Variants in SLC7A10 observed in about 807,000 individuals in gnomAD.
SLC7A10 encodes the protein asc-type amino acid transporter 1.
In SLC7A10, 30 loss-of-function variants were observed where a neutral mutation model predicts 52.7. The observed-to-expected ratio is 0.57, with a 90% CI of 0.43 to 0.77. The LOEUF is 0.77. Among genes scored for constraint, SLC7A10 ranks in the 30% least tolerant of loss-of-function variants. SLC7A10 has a pLI of 0.00. For missense variants in SLC7A10, 581 were observed against 698.5 expected (o/e 0.83, Z 1.90); for synonymous variants, 318 against 314.9 (o/e 1.01, Z -0.10).
chr19:33,211,009 C>T lies in SLC7A10; in HGVS notation c.1017-111G>A. 4 of 1,107,454 alleles carry T rather than the reference C, an allele frequency of 3.6e-6. No homozygotes were observed. The South Asian group carries it at 5.2e-5, about 14-fold the overall frequency. The allele number at this position is 1,107,454 out of a possible 1,614,324, so 68.6% of individuals were successfully genotyped here. Reference sequence around the variant, plus strand: ...CCTCCTGCTCCGGGCCCAGCAGCCCCACTGGACAGTTCTCCCCCTCATCCA... The same window carrying T: ...CCTCCTGCTCCGGGCCCAGCAGCCCTACTGGACAGTTCTCCCCCTCATCCA... On this transcript the variant is annotated intron_variant, in intron 7 of 10. Coordinates refer to ENST00000253188, the MANE Select transcript of SLC7A10 (RefSeq NM_019849.3).
intron 1 of SLC7A10, among the ~76,000 whole-genome samples, chr19:33,224,385 G>C (rs548158705): frequency 6.6e-6 from 1 of 152,264 alleles, no homozygotes; most frequent in South Asian, 2.1e-4. Flanking sequence ...GCATTCTAAG[G>C]GGAGGGGGTG....
chr19:33,217,996 C>T (rs3786927), intron 1 of SLC7A10: 45,182 of 152,064 alleles, frequency 0.3, 6,833 homozygotes, highest in African/African-American at 0.33. Context: ...TTCTAAAGAG[C>T]CTTTGAGTTC....
Position 33,210,938 on chromosome 19 carries a change from G to A in SLC7A10, c.1017-40C>T, listed in dbSNP as rs1374168981. ...AGATATGGGCACTGGCCACATCCTG[G>A]GTCTCAGCTTTGGACCTGATGTCCC... On this transcript the variant is annotated intron_variant, in intron 7 of 10. Transcript: ENST00000253188. This position sits in a 1 kb window ranked among gnomAD's most constrained non-coding sequence, Gnocchi z 5.6. 2 of 1,589,926 alleles carry A rather than the reference G, an allele frequency of 1.3e-6. No homozygotes were observed. Among genetic ancestry groups the A allele is most frequent in the South Asian group, 2.2e-5 (2 of 90,448 alleles).
chr19:33,222,268 G>A (rs768667655), intron 1 of SLC7A10, among the ~76,000 whole-genome samples: 9 of 151,760 alleles, frequency 5.9e-5, no homozygotes, highest in African/African-American at 2.2e-4. Context: ...GTGTGGTGGC[G>A]GGCACCTGTG....
At chr19:33,209,090 C>T in intron 10 of SLC7A10, 69 bp from the exon 11 acceptor site, 3 of 1,605,162 alleles carry the variant, frequency 1.9e-6, no homozygotes, top group Non-Finnish European at 2.5e-6. Context: ...CTCCGGACAC[C>T]TCCCCTTGGG....
chr19:33,211,392 G>A (rs1974549765), intron 6 of SLC7A10, 22 bp downstream of exon 6: 2 of 1,613,634 alleles, frequency 1.2e-6, no homozygotes, highest in African/African-American at 1.3e-5. Flanking sequence ...AGGAGCCAGG[G>A]ACCGAGCAGG....
Position 33,210,654 on chromosome 19 carries a change from C to T in SLC7A10, c.1114-38G>A. ...CTGGGGCTGACGGCTGGCCCCTAGC[C>T]TGCCTCCTGACGCCCCTGCAGGATG... On this transcript the variant is annotated intron_variant, in intron 8 of 10. Transcript: ENST00000253188. The surrounding 1 kb of genome is among the most constrained non-coding windows in gnomAD (Gnocchi z 5.6). 6.2e-7 allele frequency: 1 copy of T among 1,610,244 alleles called. No homozygotes were observed. The highest frequency in any genetic ancestry group is 8.5e-7 in the Non-Finnish European group (1 of 1,179,886).
At chr19:33,219,568 G>A (rs992870352) in intron 1 of SLC7A10, among the ~76,000 whole-genome samples, 6 of 152,234 alleles carry the variant, frequency 3.9e-5, no homozygotes, top group African/African-American at 9.6e-5. Flanking sequence ...TCAGGCCAGT[G>A]CTGCCCTTCC....
chr19:33,212,195 C>G, intron 5 of SLC7A10, 97 bp downstream of exon 5: 1 of 1,528,676 alleles, frequency 6.5e-7, no homozygotes, highest in Non-Finnish European at 8.9e-7. Flanking sequence ...CGAGGACCAG[C>G]CCGAGCCTTG....
At position 33,212,456 on chromosome 19, in the gene SLC7A10, A is replaced by C; in HGVS notation, c.635-11T>G. ...GCTCCTCGAAGTGTCCTGGAGGCCC[A>C]GAAGTCGGGGGTCAGCACCATCTCC... is the stretch of plus-strand genomic sequence containing the variant. On this transcript the variant is annotated splice_polypyrimidine_tract_variant and intron_variant, in intron 4 of 10. Coordinates refer to ENST00000253188, the MANE Select transcript of SLC7A10 (RefSeq NM_019849.3). 2 of 1,613,902 alleles carry C rather than the reference A, an allele frequency of 1.2e-6. No homozygotes were observed. Among genetic ancestry groups the C allele is most frequent in the South Asian group, 1.1e-5 (1 of 91,090 alleles).
At chr19:33,211,984 A>G in intron 5 of SLC7A10, 3 of 517,304 alleles carry the variant, frequency 5.8e-6, no homozygotes, top group Middle Eastern at 5.4e-4. Flanking sequence ...TGTAGGGACC[A>G]TATTGTGTGT....
intron 1 of SLC7A10, among the ~76,000 whole-genome samples, chr19:33,222,466 A>AATAAC (rs1287669409): frequency 1.2e-4 from 11 of 88,660 alleles, no homozygotes; most frequent in East Asian, 7.8e-4. Context: ...AAATAAAATA[A>AATAAC]ATAAAATAAA....
rs1331331463 is a variant in SLC7A10 at position 33,210,724 on chromosome 19, C to T, written c.1113+78G>A. 4 of 1,606,356 alleles carry T rather than the reference C, an allele frequency of 2.5e-6. No homozygotes were observed. The African/African-American group carries it at 5.4e-5, about 21-fold the overall frequency. On this transcript the variant is annotated intron_variant, in intron 8 of 10. Coordinates refer to ENST00000253188, the MANE Select transcript of SLC7A10 (RefSeq NM_019849.3). This position sits in a 1 kb window ranked among gnomAD's most constrained non-coding sequence, Gnocchi z 5.6. ...ACCCCCACCCTGGAATGGCTCACCC[C>T]TGCCATTACCCGGAAGGTCCTGCAT...
In SLC7A10 at chr19:33,210,569, G is replaced by A; in HGVS notation, c.1161C>T (p.Leu387=). 2 of 1,612,178 alleles carry A rather than the reference G, an allele frequency of 1.2e-6. No homozygotes were observed. Among genetic ancestry groups the A allele is most frequent in the Non-Finnish European group, 1.7e-6 (2 of 1,179,972 alleles). Residue 387 remains leucine (L), a synonymous_variant, in exon 9 of 11, where the codon CTC becomes CTT. Coordinates refer to ENST00000253188, the MANE Select transcript of SLC7A10 (RefSeq NM_019849.3). This position sits in a 1 kb window ranked among gnomAD's most constrained non-coding sequence, Gnocchi z 5.6. ...VIMLVGDTYT[L]INYVSFINYL... ...AGTTGATGAAGGACACATAGTTGAT[G>A]AGCGTGTACGTGTCGCCCACGAGCA...
chr19:33,209,399 C>T lies in SLC7A10; in HGVS notation c.1350G>A (p.Gly450=), dbSNP rs914531984. The T allele has an allele frequency of 1.9e-6, 3 of 1,613,970 alleles. No homozygotes were observed. The Admixed American group carries it at 5.0e-5, about 27-fold the overall frequency. Residue 450 remains glycine, a synonymous_variant, in exon 10 of 11, where the codon GGG becomes GGA. Transcript: ENST00000253188. ...FSFISEPMVC[G]VGVIIILTGV... is the part of the protein sequence containing the mutation. ...CCGTAAGGATGATGATGACGCCGAC[C>T]CCACAGACCATAGGCTCTGAGATGA...
chr19:33,214,046 C>G (rs752171887), intron 2 of SLC7A10, among the ~76,000 whole-genome samples: 1 of 152,166 alleles, frequency 6.6e-6, no homozygotes, highest in Non-Finnish European at 1.5e-5. Context: ...CCATGGCCCT[C>G]CTCCCCTGCC....
At chr19:33,217,027 C>A (rs996213003) in intron 1 of SLC7A10, among the ~76,000 whole-genome samples, 1 of 151,648 alleles carries the variant, frequency 6.6e-6, no homozygotes, top group Non-Finnish European at 1.5e-5. Context: ...GGTGTATTAC[C>A]ACACCCAGGT....
chr19:33,223,994 C>A (rs1974870976), intron 1 of SLC7A10, among the ~76,000 whole-genome samples: 1 of 143,066 alleles, frequency 7.0e-6, no homozygotes, highest in Non-Finnish European at 1.5e-5. Context: ...ACCACCAGGG[C>A]CCCTTTCTGG....
At position 33,215,963 on chromosome 19, in the gene SLC7A10, G is replaced by A. The variant is rs758170771; in HGVS notation, c.162C>T (p.Ile54=). The part of the protein sequence containing the change: ...SACTIIIGNI[I]GSGIFISPKG... ...TGGGCGAGATGAAGATGCCCGAGCC[G>A]ATGATGTTCCCTGCAGGGGGAGAGA... is the stretch of plus-strand genomic sequence containing the variant. Residue 54 remains isoleucine (I), a synonymous_variant, in exon 2 of 11, where the codon ATC becomes ATT. Transcript: ENST00000253188. 25 of 1,585,600 alleles carry A rather than the reference G, an allele frequency of 1.6e-5. No homozygotes were observed. Among genetic ancestry groups the A allele is most frequent in the South Asian group, 7.9e-5 (7 of 88,964 alleles).
Sources: gnomAD v4.1 joint callset for allele counts (sites outside exome capture counted in the v4.1 genomes callset) on GRCh38, gnomAD v4.1.1 for gene constraint, Gnocchi (gnomAD v3.1) non-coding constraint, MANE v1.5 for transcripts, NCBI Gene and HGNC (gene_info 2026-07-23, HGNC 2026-07-21) for gene names.